TPCN1: variants seen among roughly 807,000 people sequenced by gnomAD.
TPCN1 encodes the protein two pore channel protein 1.
Under a neutral mutation model 108.8 loss-of-function variants are expected in TPCN1, and 52 were observed. The ratio of observed to expected loss-of-function variants is 0.48; its 90% CI spans 0.38 to 0.60. TPCN1 has a LOEUF of 0.60. Among genes scored for constraint, TPCN1 ranks in the 20% least tolerant of loss-of-function variants. TPCN1 has a pLI of 0.00. For synonymous variants in TPCN1, 446 were observed against 433.7 expected, an observed-to-expected ratio of 1.03 and a Z score of -0.35; for missense variants, 806 against 1,072.8, an observed-to-expected ratio of 0.75 and a Z score of 3.47.
rs1487626289 is a variant in TPCN1 at position 113,269,252 on chromosome 12, G to A, written c.659+380G>A. ...ACTCAAACCAGACCAAGCCTCGACT[G>A]AGATTTATTTTGGGAGACTCAATCT... is the stretch of plus-strand genomic sequence containing the variant. On this transcript the variant is annotated intron_variant, in intron 6 of 27. Transcript: ENST00000335509. This position sits in a 1 kb window ranked among gnomAD's most constrained non-coding sequence, Gnocchi z 5.0. 6.6e-6 allele frequency among the ~76,000 whole-genome samples: 1 copy of A among 152,204 alleles called. No individual in the cohort carries two copies. Among genetic ancestry groups the A allele is most frequent in the African/African-American group, 2.4e-5 (1 of 41,452 alleles).
intron 27 of TPCN1, among the ~76,000 whole-genome samples, chr12:113,294,421 G>A (rs1956363682): frequency 6.6e-6 from 1 of 152,056 alleles, no homozygotes; most frequent in Admixed American, 6.6e-5. Context: ...GATGCCAGGA[G>A]CTCGAGACCA....
At position 113,269,908 on chromosome 12, in the gene TPCN1, T is replaced by G; in HGVS notation, c.748+63T>G. On this transcript the variant is annotated intron_variant, in intron 7 of 27. Coordinates refer to ENST00000335509, the MANE Select transcript of TPCN1 (RefSeq NM_017901.6). The surrounding 1 kb of genome is among the most constrained non-coding windows in gnomAD (Gnocchi z 5.0). ...AGCAAGTTCACGGTGGATGAAAAAT[T>G]ATTTTGGGCCTGGCTCAGTGGCTCA... is the stretch of plus-strand genomic sequence containing the variant. 2 of 1,570,826 alleles carry G rather than the reference T, an allele frequency of 1.3e-6. No individual in the cohort carries two copies. The highest frequency in any genetic ancestry group is 8.7e-7 in the Non-Finnish European group (1 of 1,144,588).
At chr12:113,230,283 C>CTTTTTTTTTTTT (rs71086152) in intron 2 of TPCN1, among the ~76,000 whole-genome samples, 2 of 108,942 alleles carry the variant, frequency 1.8e-5, no homozygotes, top group Non-Finnish European at 3.7e-5. Context: ...ATCCATTCAT[C>CTTTTTTTTTTTT]TTTTTTTTTT....
At chr12:113,245,500 C>G (rs201374713) in intron 2 of TPCN1, among the ~76,000 whole-genome samples, 26 of 138,644 alleles carry the variant, frequency 1.9e-4, no homozygotes, top group African/African-American at 4.2e-4. Context: ...ACTCGGGAGG[C>G]TGAGGCAGGA....
chr12:113,277,666 G>T (rs919661915), intron 12 of TPCN1, among the ~76,000 whole-genome samples: 1 of 152,174 alleles, frequency 6.6e-6, no homozygotes, highest in Admixed American at 6.5e-5. Flanking sequence ...TGTGAGCCAG[G>T]TGGACAGACA....
chr12:113,274,564 G>C (rs893488686), intron 10 of TPCN1, among the ~76,000 whole-genome samples: 3 of 152,178 alleles, frequency 2.0e-5, no homozygotes, highest in Admixed American at 1.3e-4. Flanking sequence ...TTGATTTGCG[G>C]TTGGTTGAAT....
intron 7 of TPCN1, among the ~76,000 whole-genome samples, chr12:113,270,785 A>G (rs7299870): frequency 0.23 from 34,307 of 151,568 alleles, 4,299 homozygotes; most frequent in African/African-American, 0.34. Context: ...GGCCTCTGGG[A>G]CCTCTTTTAT....
At chr12:113,292,239 T>C (rs1593216751) in intron 25 of TPCN1, 2 of 426,576 alleles carry the variant, frequency 4.7e-6, no homozygotes, top group Non-Finnish European at 8.5e-6. Flanking sequence ...CAGCAGCCCC[T>C]GCCCTGCCTT....
At chr12:113,237,108 C>G (rs1473832388) in intron 2 of TPCN1, among the ~76,000 whole-genome samples, 1 of 152,192 alleles carries the variant, frequency 6.6e-6, no homozygotes, top group African/African-American at 2.4e-5. Flanking sequence ...CTGCTGACAT[C>G]TTGCCAGCTC....
intron 10 of TPCN1, among the ~76,000 whole-genome samples, chr12:113,275,291 G>A (rs1230546860): frequency 6.6e-6 from 1 of 152,210 alleles, no homozygotes. Flanking sequence ...AGGCTGGAGT[G>A]CAGTGGCGCA....
At chr12:113,227,011 G>A (rs1953495385) in intron 2 of TPCN1, 47 bp downstream of exon 2, 1 of 1,518,936 alleles carries the variant, frequency 6.6e-7, no homozygotes, top group South Asian at 1.2e-5. Context: ...TTCTGTTTCA[G>A]AGGCTGAGAG....
intron 2 of TPCN1, chr12:113,245,871 C>G (rs1382220181): frequency 2.3e-6 from 1 of 439,360 alleles, no homozygotes. Flanking sequence ...ATCTTTATAG[C>G]TGGCATATGG....
intron 3 of TPCN1, 52 bp downstream of exon 3, chr12:113,260,544 G>A (rs984348151): frequency 6.5e-7 from 1 of 1,539,434 alleles, no homozygotes; most frequent in Non-Finnish European, 8.7e-7. Flanking sequence ...TTGGTGGGGT[G>A]GGGCAGCCAA....
At chr12:113,250,985 T>C (rs1954611394) in intron 2 of TPCN1, among the ~76,000 whole-genome samples, 1 of 150,274 alleles carries the variant, frequency 6.7e-6, no homozygotes, top group Non-Finnish European at 1.5e-5. Flanking sequence ...AAAAAATACA[T>C]AAAAATTAAA....
intron 2 of TPCN1, among the ~76,000 whole-genome samples, chr12:113,234,662 A>C (rs1050296863): frequency 3.3e-5 from 5 of 152,174 alleles, no homozygotes; most frequent in Non-Finnish European, 5.9e-5. Flanking sequence ...GCTCTGGCTC[A>C]GAGGAGGTAC....
intron 2 of TPCN1, among the ~76,000 whole-genome samples, chr12:113,239,073 G>A (rs577273475): frequency 6.6e-6 from 1 of 152,308 alleles, no homozygotes; most frequent in East Asian, 1.9e-4. Flanking sequence ...GTCTGAGACT[G>A]CAGTGAGCCA....
chr12:113,286,890 C>T (rs1344989329), intron 18 of TPCN1, 97 bp from the exon 19 acceptor site: 2 of 809,880 alleles, frequency 2.5e-6, no homozygotes, highest in Non-Finnish European at 4.2e-6. Context: ...TGTGTCTGGG[C>T]TCTGTGGGAG....
chr12:113,236,448 T>C (rs953731602), intron 2 of TPCN1, among the ~76,000 whole-genome samples: 3 of 151,970 alleles, frequency 2.0e-5, no homozygotes, highest in Non-Finnish European at 4.4e-5. Context: ...AGATCAACTA[T>C]GGACAGGTGT....
chr12:113,282,437 G>A (rs997145907), intron 15 of TPCN1, among the ~76,000 whole-genome samples: 2 of 151,762 alleles, frequency 1.3e-5, no homozygotes, highest in Non-Finnish European at 2.9e-5. Context: ...TTATTTTGGG[G>A]GATTGCTTTT....
Sources: gnomAD v4.1 joint callset for allele counts (sites outside exome capture counted in the v4.1 genomes callset) on GRCh38, gnomAD v4.1.1 for gene constraint, Gnocchi (gnomAD v3.1) non-coding constraint, MANE v1.5 for transcripts, NCBI Gene and HGNC (gene_info 2026-07-23, HGNC 2026-07-21) for gene names.